BAZ2B: variants seen among roughly 807,000 people sequenced by gnomAD.
BAZ2B encodes bromodomain adjacent to zinc finger domain 2B.
BAZ2B carries 91 observed loss-of-function variants against 246.0 expected under a neutral mutation model. The ratio of observed to expected loss-of-function variants is 0.37; its 90% CI spans 0.31 to 0.44. The LOEUF (loss-of-function observed/expected upper bound fraction) is 0.44, where lower values mean the gene tolerates loss of function less well. Ranked by LOEUF, BAZ2B falls within the 20% of genes least tolerant of loss-of-function variation. The pLI is 1.00. For synonymous variants in BAZ2B, 855 were observed against 860.0 expected, an observed-to-expected ratio of 0.99 and a Z score of 0.10; for missense variants, 2,332 against 2,533.7, an observed-to-expected ratio of 0.92 and a Z score of 1.71.
chr2:159,687,591 G>C, the BAZ2B span, among the ~76,000 whole-genome samples: 35 of 152,326 alleles, frequency 2.3e-4, no homozygotes, highest in African/African-American at 7.5e-4. Context: ...CTGTACTCAA[G>C]ACCCTTCCAG....
At chr2:159,382,518 T>C (rs1437671149) in intron 25 of BAZ2B, 41 bp downstream of exon 25, 13 of 1,525,572 alleles carry the variant, frequency 8.5e-6, no homozygotes, top group African/African-American at 5.5e-5. Flanking sequence ...AAATATGTTA[T>C]GCAGTTCTAG....
intron 1 of BAZ2B, among the ~76,000 whole-genome samples, chr2:159,567,783 C>A (rs991502496): frequency 1.3e-5 from 2 of 152,090 alleles, no homozygotes; most frequent in Non-Finnish European, 2.9e-5. Context: ...ACCATCCTGA[C>A]CAACATGGTG....
intron 3 of BAZ2B, among the ~76,000 whole-genome samples, chr2:159,473,122 C>T (rs900566228): frequency 5.9e-5 from 9 of 151,782 alleles, no homozygotes; most frequent in Non-Finnish European, 7.4e-5. Flanking sequence ...TCCTGGGCTT[C>T]GTTTGGTTGG....
chr2:159,567,180 T>C (rs1347130314), intron 1 of BAZ2B, among the ~76,000 whole-genome samples: 1 of 150,678 alleles, frequency 6.6e-6, no homozygotes, highest in Non-Finnish European at 1.5e-5. Flanking sequence ...GAAGCAGAGG[T>C]TGTAGTGAGC....
intron 30 of BAZ2B, among the ~76,000 whole-genome samples, chr2:159,348,056 T>C (rs537687974): frequency 1.3e-5 from 2 of 152,136 alleles, no homozygotes; most frequent in South Asian, 4.2e-4. Context: ...TGGTGGCTCA[T>C]GCCCATAATC....
At chr2:159,521,003 C>T (rs1186232867) in intron 2 of BAZ2B, among the ~76,000 whole-genome samples, 3 of 151,966 alleles carry the variant, frequency 2.0e-5, no homozygotes, top group Admixed American at 6.6e-5. Flanking sequence ...AAAATTCAAA[C>T]CTTAGTAATC....
chr2:159,337,621 G>A lies in BAZ2B; in HGVS notation c.5606C>T (p.Pro1869Leu), dbSNP rs1363449133. The change falls in exon 32 of 37, where the codon CCC (proline) becomes CTC (leucine). Residue 1869 changes from proline to leucine, a missense_variant. Physicochemically the swap from Pro to Leu is moderately conservative, Grantham distance 98 (BLOSUM62 -3). Coordinates refer to ENST00000392783, the MANE Select transcript of BAZ2B (RefSeq NM_013450.4). ...CAGCCTGGTTACAGCTATATCTAGG[G>A]GGTTGTCACTCTTCCGTTCTAGTGC... ...AHALERKSDN[P>L]LDIAVTRLAD... The A allele has an allele frequency of 2.5e-6, 4 of 1,614,016 alleles. No homozygotes were observed. Among genetic ancestry groups the A allele is most frequent in the Non-Finnish European group, 3.4e-6 (4 of 1,180,026 alleles).
At chr2:159,600,574 AAATC>A (rs1691904090) in intron 1 of BAZ2B, among the ~76,000 whole-genome samples, 1 of 152,244 alleles carries the variant, frequency 6.6e-6, no homozygotes, top group Non-Finnish European at 1.5e-5. Flanking sequence ...TCTTGTCCCG[AAATC>A]CACCAAACAG....
At chr2:159,479,184 A>T (rs1235903493) in intron 2 of BAZ2B, among the ~76,000 whole-genome samples, 2 of 152,150 alleles carry the variant, frequency 1.3e-5, no homozygotes, top group African/African-American at 4.8e-5. Flanking sequence ...AGTGTCCAAG[A>T]ATCTGGCCTG....
At chr2:159,465,913 C>CA (rs545496023) in intron 3 of BAZ2B, among the ~76,000 whole-genome samples, 8,079 of 129,394 alleles carry the variant, frequency 0.062, 272 homozygotes, top group Middle Eastern at 0.17. Context: ...GACCCTGTCT[C>CA]AAAAAAAAAA....
chr2:159,476,061 C>T (rs1327862891), intron 3 of BAZ2B, among the ~76,000 whole-genome samples: 1 of 152,014 alleles, frequency 6.6e-6, no homozygotes, highest in Non-Finnish European at 1.5e-5. Flanking sequence ...TAGCAAAGCT[C>T]GAGTGCTGTG....
At chr2:159,392,468 T>C (rs2063467542) in intron 20 of BAZ2B, among the ~76,000 whole-genome samples, 2 of 152,188 alleles carry the variant, frequency 1.3e-5, no homozygotes, top group South Asian at 4.1e-4. Context: ...TTGTTTAAAG[T>C]TGATCTCTCT....
intron 3 of BAZ2B, among the ~76,000 whole-genome samples, chr2:159,454,147 C>A (rs1011950418): frequency 9.2e-5 from 14 of 151,924 alleles, no homozygotes; most frequent in African/African-American, 3.1e-4. Context: ...ATATATTTTA[C>A]TCATAAGAAG....
chr2:159,354,659 A>G (rs1415441866), intron 27 of BAZ2B, among the ~76,000 whole-genome samples: 2 of 152,166 alleles, frequency 1.3e-5, no homozygotes, highest in Non-Finnish European at 2.9e-5. Context: ...CTGTAAAATT[A>G]CTTTTAATCA....
intron 1 of BAZ2B, among the ~76,000 whole-genome samples, chr2:159,576,946 C>CCAGGCA (rs1685487255): frequency 6.9e-6 from 1 of 145,454 alleles, no homozygotes; most frequent in South Asian, 2.2e-4. Flanking sequence ...GAAAGTGTGG[C>CCAGGCA]CAGGCACGGT....
At chr2:159,368,451 G>T (rs1475428002) in intron 27 of BAZ2B, among the ~76,000 whole-genome samples, 3 of 152,024 alleles carry the variant, frequency 2.0e-5, no homozygotes, top group Admixed American at 2.0e-4. Context: ...ATTTTAATTA[G>T]CTGTAAGATA....
chr2:159,323,439 A>C (rs930352690), intron 36 of BAZ2B, among the ~76,000 whole-genome samples: 1 of 152,168 alleles, frequency 6.6e-6, no homozygotes, highest in Non-Finnish European at 1.5e-5. Flanking sequence ...CTTCATGTGT[A>C]ATTCTTTTTC....
intron 1 of BAZ2B, among the ~76,000 whole-genome samples, chr2:159,591,991 G>A (rs937642724): frequency 7.9e-5 from 12 of 152,094 alleles, no homozygotes; most frequent in Non-Finnish European, 1.0e-4. Flanking sequence ...ATGATGGTGG[G>A]TGCCTGTATT....
intron 2 of BAZ2B, among the ~76,000 whole-genome samples, chr2:159,525,121 AG>A (rs1015986960): frequency 6.6e-6 from 1 of 152,222 alleles, no homozygotes; most frequent in Non-Finnish European, 1.5e-5. Flanking sequence ...GTCAGAAAAA[AG>A]GTTTACGAAA....
Sources: gnomAD v4.1 joint callset for allele counts (sites outside exome capture counted in the v4.1 genomes callset) on GRCh38, gnomAD v4.1.1 for gene constraint, MANE v1.5 for transcripts, NCBI Gene and HGNC (gene_info 2026-07-23, HGNC 2026-07-21) for gene names.